The following KHDRBS2 variants were observed in gnomAD, a reference collection of about 807,000 sequenced individuals.
KHDRBS2 encodes the protein KH domain-containing, RNA-binding, signal transduction-associated protein 2.
Under a neutral mutation model 44.3 loss-of-function variants are expected in KHDRBS2, and 26 were observed. The ratio of observed to expected loss-of-function variants is 0.59; its 90% CI spans 0.43 to 0.81. The LOEUF (loss-of-function observed/expected upper bound fraction) is 0.81, where lower values mean the gene tolerates loss of function less well. Ranked by LOEUF, KHDRBS2 falls within the 40% of genes least tolerant of loss-of-function variation. The probability of loss-of-function intolerance (pLI) is 0.00; values close to 1 mark genes in which losing one functional copy is unlikely to be tolerated. For missense variants in KHDRBS2, 476 were observed against 433.1 expected, an observed-to-expected ratio of 1.10 and a Z score of -0.88; for synonymous variants, 194 against 151.1, an observed-to-expected ratio of 1.28 and a Z score of -2.08.
the KHDRBS2 span, among the ~76,000 whole-genome samples, chr6:61,653,306 G>T: frequency 1.3e-5 from 2 of 152,144 alleles, no homozygotes; most frequent in East Asian, 3.9e-4. Context: ...ATTCAACAAA[G>T]ATAAAACTTC....
intron 2 of KHDRBS2, among the ~76,000 whole-genome samples, chr6:62,088,604 C>T (rs1405842236): frequency 6.6e-6 from 1 of 152,118 alleles, no homozygotes; most frequent in Non-Finnish European, 1.5e-5. Context: ...CTGCCAGATG[C>T]CAGCCAGAGC....
intron 3 of KHDRBS2, among the ~76,000 whole-genome samples, chr6:62,016,876 A>G: frequency 6.6e-6 from 1 of 152,036 alleles, no homozygotes; most frequent in East Asian, 1.9e-4. Flanking sequence ...TCAATATTAT[A>G]TAAAGTCAGT....
chr6:62,154,310 T>G (rs1224766797), intron 2 of KHDRBS2, among the ~76,000 whole-genome samples: 2 of 152,136 alleles, frequency 1.3e-5, no homozygotes, highest in Non-Finnish European at 1.5e-5. Context: ...CCCTAATTTC[T>G]TTTGCCTTAT....
At chr6:61,862,387 G>C (rs1797120338) in intron 6 of KHDRBS2, among the ~76,000 whole-genome samples, 1 of 152,076 alleles carries the variant, frequency 6.6e-6, no homozygotes, top group African/African-American at 2.4e-5. Context: ...GGGCATGCTT[G>C]TCTTGTGCAG....
intron 2 of KHDRBS2, among the ~76,000 whole-genome samples, chr6:62,079,958 T>C (rs1172093174): frequency 6.6e-6 from 1 of 152,060 alleles, no homozygotes; most frequent in Non-Finnish European, 1.5e-5. Context: ...CATTTGACCA[T>C]GAGTTTTCTG....
At chr6:61,581,167 A>G in the KHDRBS2 span, among the ~76,000 whole-genome samples, 1 of 152,144 alleles carries the variant, frequency 6.6e-6, no homozygotes, top group Non-Finnish European at 1.5e-5. Flanking sequence ...TCCAAACCAT[A>G]GGTAGATTTT....
intron 1 of KHDRBS2, among the ~76,000 whole-genome samples, chr6:62,199,427 G>T (rs1159426739): frequency 1.3e-5 from 2 of 152,008 alleles, no homozygotes; most frequent in Non-Finnish European, 2.9e-5. Flanking sequence ...AATCACAAGC[G>T]TTCTTATACA....
chr6:62,081,350 G>A (rs184689473), intron 2 of KHDRBS2, among the ~76,000 whole-genome samples: 2 of 152,242 alleles, frequency 1.3e-5, no homozygotes, highest in South Asian at 2.1e-4. Context: ...AGAAAGTAAA[G>A]TGTTATACTT....
chr6:61,563,596 A>G, the KHDRBS2 span, among the ~76,000 whole-genome samples: 1 of 152,224 alleles, frequency 6.6e-6, no homozygotes, highest in Admixed American at 6.5e-5. Context: ...GGCATTACAA[A>G]TAAGAGTCAC....
the KHDRBS2 span, among the ~76,000 whole-genome samples, chr6:61,674,390 G>T: frequency 2.0e-5 from 3 of 151,752 alleles, no homozygotes; most frequent in African/African-American, 7.3e-5. Context: ...TGGAAAATGT[G>T]TGGGTTATCA....
chr6:61,582,090 T>G, the KHDRBS2 span, among the ~76,000 whole-genome samples: 10 of 151,794 alleles, frequency 6.6e-5, no homozygotes, highest in African/African-American at 2.4e-4. Flanking sequence ...GAACCCCTTT[T>G]GGAATAGTAG....
At chr6:61,568,340 T>C in the KHDRBS2 span, among the ~76,000 whole-genome samples, 1 of 152,202 alleles carries the variant, frequency 6.6e-6, no homozygotes, top group African/African-American at 2.4e-5. Flanking sequence ...TTAAGTTCCA[T>C]ATGAATTTTA....
the KHDRBS2 span, among the ~76,000 whole-genome samples, chr6:61,629,522 A>T: frequency 6.6e-6 from 1 of 152,220 alleles, no homozygotes; most frequent in African/African-American, 2.4e-5. Flanking sequence ...TAATAGAAAG[A>T]GACATACCTT....
intron 1 of KHDRBS2, among the ~76,000 whole-genome samples, chr6:62,257,590 A>C (rs771868890): frequency 3.3e-5 from 5 of 152,036 alleles, no homozygotes; most frequent in Non-Finnish European, 7.4e-5. Context: ...GTCTTCAAGC[A>C]GTTTGTTTTC....
At chr6:61,915,619 T>C (rs1281799022) in intron 4 of KHDRBS2, among the ~76,000 whole-genome samples, 1 of 152,048 alleles carries the variant, frequency 6.6e-6, no homozygotes. Flanking sequence ...TTGCTTTCCA[T>C]GCCATCTCAT....
At chr6:62,222,219 A>C (rs985912715) in intron 1 of KHDRBS2, among the ~76,000 whole-genome samples, 3 of 150,898 alleles carry the variant, frequency 2.0e-5, no homozygotes, top group African/African-American at 7.3e-5. Context: ...AAAGAGAGTG[A>C]GGGAGGGAGA....
At chr6:61,801,643 T>C (rs116370295) in intron 6 of KHDRBS2, among the ~76,000 whole-genome samples, 2,061 of 152,254 alleles carry the variant, frequency 0.014, 30 homozygotes, top group Non-Finnish European at 0.022. Context: ...GTAATTATAA[T>C]GACATTGGTG....
At chr6:62,273,123 C>A (rs1055834830) in intron 1 of KHDRBS2, among the ~76,000 whole-genome samples, 2 of 152,124 alleles carry the variant, frequency 1.3e-5, no homozygotes, top group African/African-American at 4.8e-5. Context: ...AGCCACTACC[C>A]TCAAATGCCT....
downstream of KHDRBS2, among the ~76,000 whole-genome samples, chr6:61,679,768 A>T (rs1329640734): frequency 1.3e-5 from 2 of 151,972 alleles, no homozygotes; most frequent in African/African-American, 2.4e-5. Flanking sequence ...CAATAAAGTG[A>T]ATCTACGCAA....
Sources: allele counts gnomAD v4.1 joint callset (sites outside exome capture counted in the v4.1 genomes callset), GRCh38; gene constraint gnomAD v4.1.1; transcripts MANE v1.5; gene names NCBI Gene and HGNC (gene_info 2026-07-23, HGNC 2026-07-21).